Variants in AK5 observed in about 807,000 individuals in gnomAD.
The protein encoded by AK5 is adenylate kinase isoenzyme 5.
In AK5, 27 loss-of-function variants were observed where a neutral mutation model predicts 69.5. That is an observed-to-expected ratio of 0.39 (90% confidence interval 0.29 to 0.54). The LOEUF (loss-of-function observed/expected upper bound fraction) is 0.54, where lower values mean the gene tolerates loss of function less well. AK5 is among the 20% of genes least tolerant of loss of function. The pLI, the probability that AK5 is intolerant of heterozygous loss-of-function variation, is 0.71. For synonymous variants in AK5, 260 were observed against 244.4 expected, an observed-to-expected ratio of 1.06 and a Z score of -0.60; for missense variants, 531 against 700.4, an observed-to-expected ratio of 0.76 and a Z score of 2.73.
intron 5 of AK5, among the ~76,000 whole-genome samples, chr1:77,332,847 C>T (rs1405427476): frequency 6.6e-6 from 1 of 151,848 alleles, no homozygotes; most frequent in Non-Finnish European, 1.5e-5. Flanking sequence ...ATATTCTGTA[C>T]TCTGAGTTTT....
chr1:77,432,576 A>C (rs1651709246), intron 8 of AK5, among the ~76,000 whole-genome samples: 1 of 152,232 alleles, frequency 6.6e-6, no homozygotes, highest in African/African-American at 2.4e-5. Flanking sequence ...AATGGTTTTG[A>C]GCCATGAATC....
At chr1:77,330,136 G>A (rs1026778961) in intron 5 of AK5, among the ~76,000 whole-genome samples, 1 of 152,146 alleles carries the variant, frequency 6.6e-6, no homozygotes, top group Non-Finnish European at 1.5e-5. Context: ...ATGAAGAGAG[G>A]GAATGAGGTT....
chr1:77,350,164 A>G (rs750710261), intron 6 of AK5, among the ~76,000 whole-genome samples: 3 of 152,222 alleles, frequency 2.0e-5, no homozygotes, highest in Non-Finnish European at 4.4e-5. Context: ...AAGATAAATA[A>G]CTTGAACTCA....
At chr1:77,489,483 G>A (rs1390653726) in intron 10 of AK5, among the ~76,000 whole-genome samples, 2 of 152,078 alleles carry the variant, frequency 1.3e-5, no homozygotes, top group Non-Finnish European at 2.9e-5. Flanking sequence ...TGGTATTTTG[G>A]GACTGCTTTA....
intron 10 of AK5, among the ~76,000 whole-genome samples, chr1:77,489,697 T>A (rs191384877): frequency 5.3e-5 from 8 of 152,356 alleles, no homozygotes; most frequent in Admixed American, 2.6e-4. Context: ...GTTGACATCC[T>A]CACTATTCGC....
intron 10 of AK5, among the ~76,000 whole-genome samples, chr1:77,487,682 G>A (rs2100731035): frequency 6.6e-6 from 1 of 152,334 alleles, no homozygotes; most frequent in South Asian, 2.1e-4. Flanking sequence ...AAGTTAAGGG[G>A]TCTGATCACA....
At chr1:77,484,972 T>C (rs968996945) in intron 9 of AK5, among the ~76,000 whole-genome samples, 35 of 152,274 alleles carry the variant, frequency 2.3e-4, no homozygotes, top group South Asian at 4.1e-4. Context: ...GATACAATCA[T>C]ACCAAAAAAA....
intron 13 of AK5, among the ~76,000 whole-genome samples, chr1:77,555,361 G>GCCTAC (rs1347479535): frequency 6.6e-6 from 1 of 152,110 alleles, no homozygotes; most frequent in Non-Finnish European, 1.5e-5. Context: ...CCTCTTCATA[G>GCCTAC]CCTAGCCTGT....
At chr1:77,376,451 C>CAA (rs762576175) in intron 6 of AK5, among the ~76,000 whole-genome samples, 27 of 41,048 alleles carry the variant, frequency 6.6e-4, no homozygotes, top group South Asian at 2.9e-3. Context: ...AAAAAAAAAA[C>CAA]AAAAAAAAAA....
At chr1:77,480,057 TGCTTACAGGGGCTGTTTGG>T in intron 8 of AK5, among the ~76,000 whole-genome samples, 1 of 152,284 alleles carries the variant, frequency 6.6e-6, no homozygotes, top group East Asian at 1.9e-4. Flanking sequence ...CAAGATTTAG[TGCTTACAGGGGCTGTTTGG>T]TATCTTTTTC....
intron 5 of AK5, among the ~76,000 whole-genome samples, chr1:77,333,779 A>G (rs935324890): frequency 3.3e-5 from 5 of 152,226 alleles, no homozygotes; most frequent in African/African-American, 9.6e-5. Context: ...CTGGTCCTTT[A>G]CAGAAAGAGT....
At chr1:77,461,033 A>ATTT (rs76222124) in intron 8 of AK5, among the ~76,000 whole-genome samples, 5 of 135,232 alleles carry the variant, frequency 3.7e-5, no homozygotes, top group African/African-American at 8.3e-5. Context: ...TGTATGTGAA[A>ATTT]TTTTTTTTTT....
At chr1:77,339,197 A>G (rs1345199228) in intron 5 of AK5, among the ~76,000 whole-genome samples, 1 of 152,262 alleles carries the variant, frequency 6.6e-6, no homozygotes, top group Admixed American at 6.5e-5. Context: ...GTAAATTAAT[A>G]AGTAATTGCG....
chr1:77,379,749 T>C (rs1273203731), intron 6 of AK5, among the ~76,000 whole-genome samples: 1 of 152,228 alleles, frequency 6.6e-6, no homozygotes. Flanking sequence ...AGAGATTATA[T>C]ACTTCATTAC....
chr1:77,367,630 A>T (rs58687363), intron 6 of AK5, among the ~76,000 whole-genome samples: 15,313 of 55,598 alleles, frequency 0.28, 2,562 homozygotes, highest in Middle Eastern at 0.38. Flanking sequence ...TTATATATGT[A>T]ATATATATGT....
intron 13 of AK5, among the ~76,000 whole-genome samples, chr1:77,536,291 G>C (rs1171764251): frequency 6.6e-6 from 1 of 151,990 alleles, no homozygotes; most frequent in Non-Finnish European, 1.5e-5. Context: ...TGAGACCCCT[G>C]CCTCTGCAAA....
intron 9 of AK5, among the ~76,000 whole-genome samples, chr1:77,484,236 T>G (rs922935028): frequency 2.6e-5 from 4 of 151,374 alleles, no homozygotes; most frequent in African/African-American, 9.7e-5. Flanking sequence ...AAAATAGATA[T>G]GATTATGTGA....
rs76327405 is a variant in AK5, at chr1:77,297,150, A to T, written c.416-409A>T. Among the ~76,000 whole-genome samples the T allele has an allele frequency of 9.5e-3, 1,440 of 152,328 alleles. 15 individuals are homozygous for T. The highest frequency in any genetic ancestry group is 0.016 in the Non-Finnish European group (1,076 of 68,014). ...ATGGTTACGTTTCACCGAATTACACATTAACTCTGTTGGCATGGAATCTAT... is the reference window on the plus strand; with the variant it reads ...ATGGTTACGTTTCACCGAATTACACTTTAACTCTGTTGGCATGGAATCTAT... On this transcript the variant is annotated intron_variant, in intron 3 of 13. Coordinates refer to ENST00000354567, the MANE Select transcript of AK5 (RefSeq NM_174858.3).
intron 7 of AK5, among the ~76,000 whole-genome samples, chr1:77,413,079 C>A (rs1236916066): frequency 1.3e-5 from 2 of 152,070 alleles, no homozygotes; most frequent in Non-Finnish European, 1.5e-5. Flanking sequence ...ATGACTCCTG[C>A]AGGCTGGCCA....
Sources: allele counts gnomAD v4.1 joint callset (sites outside exome capture counted in the v4.1 genomes callset), GRCh38; gene constraint gnomAD v4.1.1; transcripts MANE v1.5; gene names NCBI Gene and HGNC (gene_info 2026-07-23, HGNC 2026-07-21).